AUH: variants seen among roughly 807,000 people sequenced by gnomAD.
The protein encoded by AUH is methylglutaconyl-CoA hydratase, mitochondrial.
Under a neutral mutation model 42.3 loss-of-function variants are expected in AUH, and 29 were observed. The ratio of observed to expected loss-of-function variants is 0.69; its 90% CI spans 0.51 to 0.93. The LOEUF is 0.93. Among genes scored for constraint, AUH ranks in the 40% least tolerant of loss-of-function variants. The pLI is 0.00. For missense variants in AUH, 452 were observed against 438.1 expected (o/e 1.03, Z -0.28); for synonymous variants, 174 against 166.4 (o/e 1.05, Z -0.35).
chr9:91,325,190 CAGCTAT>C lies in AUH; in HGVS notation c.505+122_505+127del, dbSNP rs2131859573. Reference sequence around the variant, plus strand: ...TAAATATATTAAGTGTCACGTTAAACAGCTATAGGTCATGATTATCTAATTATATAA... The same window carrying C: ...TAAATATATTAAGTGTCACGTTAAACAGGTCATGATTATCTAATTATATAA... On this transcript the variant is annotated intron_variant, in intron 4 of 9. Coordinates refer to ENST00000375731, the MANE Select transcript of AUH (RefSeq NM_001698.3). 3 of 666,200 alleles carry C rather than the reference CAGCTAT, an allele frequency of 4.5e-6. No individual in the cohort carries two copies. In the South Asian group the frequency reaches 6.0e-5, roughly 13 times the overall value. The allele number at this position is 666,200 out of a possible 1,614,324, so 41.3% of individuals were successfully genotyped here. A position where few individuals can be genotyped will look rare whatever the true frequency, so the allele number is the denominator to read the frequency against.
At chr9:91,337,475 A>G (rs1488679069) in intron 3 of AUH, among the ~76,000 whole-genome samples, 1 of 152,188 alleles carries the variant, frequency 6.6e-6, no homozygotes, top group African/African-American at 2.4e-5. Context: ...GCTAACCAGC[A>G]TGGTCCACTC....
chr9:91,361,679 T>A lies in AUH; in HGVS notation c.211A>T (p.Met71Leu). Residue 71 changes from methionine (M) to leucine (L), a missense_variant, in exon 1 of 10, where the codon ATG becomes TTG. Coordinates refer to ENST00000375731, the MANE Select transcript of AUH (RefSeq NM_001698.3). ...ACCCGCAGCTCGTCCTCCGTCTTCA[T>A]CTCAGAGCTGTAGCCCCTTTTCGGG... ...PAPKRGYSSE[M>L]KTEDELRVRH... is the part of the protein sequence containing the mutation. The A allele has an allele frequency of 1.9e-6, 3 of 1,577,244 alleles. No individual in the cohort carries two copies. Among genetic ancestry groups the A allele is most frequent in the Non-Finnish European group, 2.6e-6 (3 of 1,161,680 alleles).
At chr9:91,282,555 G>C (rs983540471) in intron 6 of AUH, among the ~76,000 whole-genome samples, 3 of 152,152 alleles carry the variant, frequency 2.0e-5, no homozygotes, top group Non-Finnish European at 4.4e-5. Flanking sequence ...AGCAGGAGGA[G>C]CAGTGGTAGG....
intron 3 of AUH, among the ~76,000 whole-genome samples, chr9:91,354,060 C>T (rs528282420): frequency 4.0e-5 from 6 of 151,406 alleles, no homozygotes; most frequent in East Asian, 3.9e-4. Flanking sequence ...CCCAGCTACA[C>T]GGGAGGGTGA....
intron 6 of AUH, among the ~76,000 whole-genome samples, chr9:91,276,414 CA>C (rs58728272): frequency 0.29 from 32,257 of 110,176 alleles, 3,592 homozygotes; most frequent in East Asian, 0.38. Context: ...CCCTGTCTCC[CA>C]AAAAAAAAAA....
intron 6 of AUH, among the ~76,000 whole-genome samples, chr9:91,261,899 T>A (rs1451759647): frequency 6.6e-6 from 1 of 152,192 alleles, no homozygotes; most frequent in Admixed American, 6.5e-5. Context: ...TCTCTGGAAA[T>A]AGAAAAAGGG....
chr9:91,247,274 G>A (rs1417743661), intron 6 of AUH, among the ~76,000 whole-genome samples: 1 of 152,170 alleles, frequency 6.6e-6, no homozygotes, highest in Non-Finnish European at 1.5e-5. Context: ...TACTCTGCAA[G>A]AGGGTAAGGG....
At chr9:91,255,955 C>T (rs1018038578) in intron 6 of AUH, among the ~76,000 whole-genome samples, 1 of 152,048 alleles carries the variant, frequency 6.6e-6, no homozygotes, top group Non-Finnish European at 1.5e-5. Flanking sequence ...AATACATAAG[C>T]TCTAAGTTCT....
chr9:91,273,963 G>A (rs79799877), intron 6 of AUH, among the ~76,000 whole-genome samples: 17,443 of 152,176 alleles, frequency 0.11, 1,120 homozygotes, highest in African/African-American at 0.17. Context: ...TTGAATTTAA[G>A]AAAGACAATC....
intron 6 of AUH, among the ~76,000 whole-genome samples, chr9:91,231,677 C>T (rs1190897621): frequency 1.3e-5 from 2 of 152,140 alleles, no homozygotes; most frequent in South Asian, 2.1e-4. Flanking sequence ...CACAAGCAGC[C>T]CTAATGCATT....
intron 9 of AUH, 77 bp from the exon 10 acceptor site, chr9:91,214,502 A>G: frequency 8.5e-7 from 1 of 1,178,646 alleles, no homozygotes; most frequent in South Asian, 1.4e-5. Flanking sequence ...ATCTAAGAAA[A>G]CTACTTAGAA....
At chr9:91,298,514 A>G (rs1164834061) in intron 4 of AUH, among the ~76,000 whole-genome samples, 1 of 152,218 alleles carries the variant, frequency 6.6e-6, no homozygotes, top group African/African-American at 2.4e-5. Context: ...TCATTCAAAG[A>G]AAGACATCTG....
intron 6 of AUH, among the ~76,000 whole-genome samples, chr9:91,222,763 G>A (rs1011314795): frequency 6.6e-6 from 1 of 152,112 alleles, no homozygotes; most frequent in South Asian, 2.1e-4. Flanking sequence ...TGATGAGACT[G>A]AAGAACTTAA....
At chr9:91,268,624 T>C (rs1256891186) in intron 6 of AUH, among the ~76,000 whole-genome samples, 2 of 152,108 alleles carry the variant, frequency 1.3e-5, no homozygotes, top group African/African-American at 4.8e-5. Flanking sequence ...CAGATGGGGT[T>C]TCACCGTGTT....
chr9:91,297,507 C>G (rs1827441558), intron 5 of AUH, among the ~76,000 whole-genome samples: 1 of 152,198 alleles, frequency 6.6e-6, no homozygotes, highest in Non-Finnish European at 1.5e-5. Context: ...ACAACAGCAA[C>G]AGTCATTTCC....
chr9:91,252,521 T>G (rs867940333), intron 6 of AUH, among the ~76,000 whole-genome samples: 13 of 152,140 alleles, frequency 8.5e-5, no homozygotes, highest in East Asian at 3.9e-4. Flanking sequence ...ATTGGCAGTG[T>G]GACCACATCC....
intron 6 of AUH, among the ~76,000 whole-genome samples, chr9:91,267,807 A>G (rs901564139): frequency 1.3e-5 from 2 of 152,030 alleles, no homozygotes; most frequent in Non-Finnish European, 2.9e-5. Context: ...CCCCTTTCCT[A>G]GCCCCTTTTC....
intron 6 of AUH, among the ~76,000 whole-genome samples, chr9:91,283,468 C>T (rs1198071799): frequency 3.9e-5 from 6 of 152,228 alleles, no homozygotes; most frequent in Admixed American, 1.3e-4. Context: ...CCAGGGCAAT[C>T]AGGCAGGAGA....
intron 3 of AUH, among the ~76,000 whole-genome samples, chr9:91,354,059 A>G (rs879275068): frequency 1.3e-4 from 20 of 151,458 alleles, no homozygotes; most frequent in Middle Eastern, 3.4e-3. Context: ...TCCCAGCTAC[A>G]CGGGAGGGTG....
Sources: gnomAD v4.1 joint callset for allele counts (sites outside exome capture counted in the v4.1 genomes callset) on GRCh38, gnomAD v4.1.1 for gene constraint, MANE v1.5 for transcripts, NCBI Gene and HGNC (gene_info 2026-07-23, HGNC 2026-07-21) for gene names.